Variants in MCTP2 observed in about 807,000 individuals in gnomAD.
MCTP2 encodes the protein multiple C2 and transmembrane domain containing 2, also known as multiple C2 and transmembrane domain-containing protein 2.
In MCTP2, 132 loss-of-function variants were observed where a neutral mutation model predicts 111.6. The ratio of observed to expected loss-of-function variants is 1.18; its 90% CI spans 1.03 to 1.37. The LOEUF is 1.37. Ranked by LOEUF, MCTP2 falls within the 40% of genes most tolerant of loss-of-function variation. The probability of loss-of-function intolerance (pLI) is 0.00; values close to 1 mark genes in which losing one functional copy is unlikely to be tolerated. For synonymous variants in MCTP2, 395 were observed against 387.7 expected, an observed-to-expected ratio of 1.02 and a Z score of -0.22; for missense variants, 1,183 against 1,067.9, an observed-to-expected ratio of 1.11 and a Z score of -1.50.
At chr15:94,304,007 G>A (rs1413839114) in intron 2 of MCTP2, among the ~76,000 whole-genome samples, 2 of 152,174 alleles carry the variant, frequency 1.3e-5, no homozygotes, top group African/African-American at 4.8e-5. Context: ...GTAAGTTCTT[G>A]AGAAAGTCGG....
chr15:94,409,259 C>T (rs1218512128), intron 17 of MCTP2, among the ~76,000 whole-genome samples: 3 of 152,132 alleles, frequency 2.0e-5, no homozygotes, highest in African/African-American at 7.2e-5. Flanking sequence ...TGCTGGTTGC[C>T]TCCTGCCCTT....
chr15:94,378,222 G>A (rs1035739337), intron 12 of MCTP2, among the ~76,000 whole-genome samples: 2 of 152,062 alleles, frequency 1.3e-5, no homozygotes, highest in African/African-American at 4.8e-5. Context: ...AGTGGAGGTA[G>A]AAGAAGAAAA....
chr15:94,481,898 T>A lies in MCTP2; in HGVS notation c.*2864T>A, dbSNP rs971918946. On this transcript the variant is annotated 3_prime_UTR_variant, in exon 23 of 23. Coordinates refer to ENST00000357742, the MANE Select transcript of MCTP2 (RefSeq NM_001385001.1). ...GAGGGCTGGATTGGATAGATTAGTA[T>A]GATCTATCCTGGAGATTCATTTCTT... The A allele has an allele frequency of 1.1e-4, 17 of 152,392 alleles. No homozygotes were observed. Among genetic ancestry groups the A allele is most frequent in the Non-Finnish European group, 2.5e-4 (17 of 68,042 alleles). The allele number at this position is 152,392 out of a possible 1,614,324, so 9.4% of individuals were successfully genotyped here. A position where few individuals can be genotyped will look rare whatever the true frequency, so the allele number is the denominator to read the frequency against.
intron 4 of MCTP2, among the ~76,000 whole-genome samples, chr15:94,319,274 C>T (rs1328380877): frequency 6.6e-6 from 1 of 152,152 alleles, no homozygotes; most frequent in Non-Finnish European, 1.5e-5. Flanking sequence ...GTCCTCATTA[C>T]TAATACATGT....
chr15:94,236,628 A>G (rs2070587566), intron 1 of MCTP2, among the ~76,000 whole-genome samples: 1 of 152,072 alleles, frequency 6.6e-6, no homozygotes, highest in South Asian at 2.1e-4. Context: ...TCATCTATGC[A>G]TGCGTTCATT....
intron 17 of MCTP2, among the ~76,000 whole-genome samples, chr15:94,425,611 T>A (rs1421397420): frequency 6.6e-6 from 1 of 152,094 alleles, no homozygotes; most frequent in African/African-American, 2.4e-5. Flanking sequence ...AAATAAAAGT[T>A]ATCTTTTTGA....
At chr15:94,245,312 GTACATATATT>G (rs1313607508) in intron 1 of MCTP2, among the ~76,000 whole-genome samples, 2 of 138,534 alleles carry the variant, frequency 1.4e-5, no homozygotes, top group Non-Finnish European at 3.1e-5. Context: ...ATACATATAT[GTACATATATT>G]TACATACATA....
intron 1 of MCTP2, among the ~76,000 whole-genome samples, chr15:94,290,342 A>G (rs1377583746): frequency 6.6e-6 from 1 of 152,218 alleles, no homozygotes; most frequent in African/African-American, 2.4e-5. Flanking sequence ...GTGGTAAAAT[A>G]TTAATTCTAA....
intron 17 of MCTP2, among the ~76,000 whole-genome samples, chr15:94,409,821 C>G (rs1182279359): frequency 1.3e-5 from 2 of 151,696 alleles, no homozygotes; most frequent in African/African-American, 2.4e-5. Flanking sequence ...ATACTGAGCA[C>G]TCGTAAGTCT....
intron 12 of MCTP2, among the ~76,000 whole-genome samples, chr15:94,375,892 C>T (rs1305211403): frequency 2.0e-5 from 3 of 152,148 alleles, no homozygotes; most frequent in Non-Finnish European, 2.9e-5. Context: ...TTCCAGAGAA[C>T]CCAATATAGC....
chr15:94,385,888 C>A (rs1359195453), intron 14 of MCTP2, among the ~76,000 whole-genome samples: 1 of 152,196 alleles, frequency 6.6e-6, no homozygotes, highest in Admixed American at 6.5e-5. Context: ...TTCTTTATAG[C>A]TCCTTACTGT....
At chr15:94,274,199 A>T (rs1035959378) in intron 1 of MCTP2, among the ~76,000 whole-genome samples, 2 of 152,102 alleles carry the variant, frequency 1.3e-5, no homozygotes, top group African/African-American at 4.8e-5. Flanking sequence ...AAAAGAAATC[A>T]GGAAATATAC....
chr15:94,456,949 T>G (rs2084873786), intron 19 of MCTP2, among the ~76,000 whole-genome samples: 1 of 152,252 alleles, frequency 6.6e-6, no homozygotes, highest in Non-Finnish European at 1.5e-5. Context: ...TAGTGGGTTC[T>G]CTTTCACTCC....
chr15:94,247,290 G>A (rs1035041170), intron 1 of MCTP2, among the ~76,000 whole-genome samples: 1 of 152,090 alleles, frequency 6.6e-6, no homozygotes, highest in Non-Finnish European at 1.5e-5. Context: ...TGCCTCACCT[G>A]CTGCCCTTTC....
At chr15:94,294,227 G>C (rs939647276) in intron 1 of MCTP2, among the ~76,000 whole-genome samples, 2 of 152,220 alleles carry the variant, frequency 1.3e-5, no homozygotes, top group Non-Finnish European at 2.9e-5. Flanking sequence ...CTGGGAGCGC[G>C]TGATCCTTTG....
At chr15:94,371,151 C>T (rs892037473) in intron 12 of MCTP2, among the ~76,000 whole-genome samples, 3 of 151,838 alleles carry the variant, frequency 2.0e-5, no homozygotes, top group African/African-American at 4.8e-5. Context: ...TCTCCTCACC[C>T]TGCTCAAAAA....
At chr15:94,356,751 G>A (rs1384711191) in intron 9 of MCTP2, among the ~76,000 whole-genome samples, 4 of 152,106 alleles carry the variant, frequency 2.6e-5, no homozygotes, top group South Asian at 4.1e-4. Context: ...TAGTGCTGCT[G>A]TTTTTTGCTG....
intron 1 of MCTP2, among the ~76,000 whole-genome samples, chr15:94,277,647 TG>T (rs2074280779): frequency 6.6e-6 from 1 of 152,112 alleles, no homozygotes; most frequent in South Asian, 2.1e-4. Flanking sequence ...ATGCAATCAC[TG>T]GCTACCAGAG....
At chr15:94,469,378 C>T (rs529769764) in intron 20 of MCTP2, among the ~76,000 whole-genome samples, 1 of 152,174 alleles carries the variant, frequency 6.6e-6, no homozygotes, top group Non-Finnish European at 1.5e-5. Context: ...GCAATAGATA[C>T]AACAAAAGGA....
Sources: gnomAD v4.1 joint callset for allele counts (sites outside exome capture counted in the v4.1 genomes callset) on GRCh38, gnomAD v4.1.1 for gene constraint, MANE v1.5 for transcripts, NCBI Gene and HGNC (gene_info 2026-07-23, HGNC 2026-07-21) for gene names.